Variants in VTI1A observed in about 807,000 individuals in gnomAD.
VTI1A encodes the protein vesicle transport through interaction with t-SNAREs homolog 1A.
A neutral mutation model predicts 34.9 loss-of-function variants in VTI1A; 22 were observed. The ratio of observed to expected loss-of-function variants is 0.63; its 90% CI spans 0.45 to 0.90. The LOEUF (loss-of-function observed/expected upper bound fraction) is 0.90, where lower values mean the gene tolerates loss of function less well. VTI1A is among the 40% of genes least tolerant of loss of function. VTI1A has a pLI of 0.00. For synonymous variants in VTI1A, 87 were observed against 97.3 expected, an observed-to-expected ratio of 0.89 and a Z score of 0.62; for missense variants, 268 against 275.6, an observed-to-expected ratio of 0.97 and a Z score of 0.20.
chr10:112,456,373 G>C (rs1265487764), intron 1 of VTI1A, among the ~76,000 whole-genome samples: 2 of 137,740 alleles, frequency 1.5e-5, no homozygotes, highest in Non-Finnish European at 3.0e-5. Flanking sequence ...CGTGAGCCAA[G>C]ATTGCACCAC....
At chr10:112,778,105 A>G (rs895131778) in intron 7 of VTI1A, among the ~76,000 whole-genome samples, 2 of 151,598 alleles carry the variant, frequency 1.3e-5, no homozygotes, top group Non-Finnish European at 2.9e-5. Flanking sequence ...TCCATCTCAA[A>G]AAAAGGAAAA....
chr10:112,737,753 C>G (rs891069443), intron 7 of VTI1A: 6 of 1,059,678 alleles, frequency 5.7e-6, no homozygotes, highest in Non-Finnish European at 2.3e-6. Context: ...CCTTTCCTCT[C>G]AGGACATACT....
chr10:112,483,638 A>C (rs1331163484), intron 3 of VTI1A, among the ~76,000 whole-genome samples: 1 of 152,066 alleles, frequency 6.6e-6, no homozygotes, highest in Non-Finnish European at 1.5e-5. Flanking sequence ...GCCTCTACCC[A>C]CTAAATGCTA....
chr10:112,736,788 A>T, intron 7 of VTI1A: 1 of 1,488,716 alleles, frequency 6.7e-7, no homozygotes, highest in African/African-American at 1.4e-5. Flanking sequence ...AGAACCAGCC[A>T]GTGGAAATTA....
chr10:112,840,298 A>G, the VTI1A span, among the ~76,000 whole-genome samples: 6 of 152,218 alleles, frequency 3.9e-5, no homozygotes, highest in East Asian at 1.2e-3. Context: ...GAGAAAGCCA[A>G]ATATGCACCC....
At chr10:112,480,718 G>A (rs1409605377) in intron 3 of VTI1A, among the ~76,000 whole-genome samples, 2 of 152,230 alleles carry the variant, frequency 1.3e-5, no homozygotes, top group East Asian at 1.9e-4. Flanking sequence ...GGGAGGAAGG[G>A]GAGGACTGGA....
chr10:112,699,763 G>A (rs1466218183), intron 7 of VTI1A, among the ~76,000 whole-genome samples: 2 of 151,692 alleles, frequency 1.3e-5, no homozygotes, highest in Non-Finnish European at 2.9e-5. Context: ...AGGAGGCGGA[G>A]GTTGCAGTAA....
chr10:112,454,778 G>C (rs79310275), intron 1 of VTI1A, among the ~76,000 whole-genome samples: 8,114 of 150,746 alleles, frequency 0.054, 313 homozygotes, highest in Non-Finnish European at 0.081. Flanking sequence ...AATACATATA[G>C]CAGTTACGAG....
At chr10:112,642,772 G>T (rs567315352) in intron 5 of VTI1A, among the ~76,000 whole-genome samples, 17 of 152,022 alleles carry the variant, frequency 1.1e-4, no homozygotes, top group Non-Finnish European at 2.5e-4. Flanking sequence ...TAACTAGGCC[G>T]AGCATAGGGA....
At chr10:112,853,690 A>C in the VTI1A span, among the ~76,000 whole-genome samples, 29 of 152,154 alleles carry the variant, frequency 1.9e-4, no homozygotes, top group African/African-American at 7.0e-4. Context: ...GCAGTGTTTT[A>C]TCCATTTCAA....
chr10:112,587,784 C>T (rs1202195288), intron 5 of VTI1A, among the ~76,000 whole-genome samples: 1 of 152,028 alleles, frequency 6.6e-6, no homozygotes, highest in Non-Finnish European at 1.5e-5. Context: ...GTTTTTTCCC[C>T]TCAGTATTAG....
At chr10:112,601,102 G>C (rs1385709681) in intron 5 of VTI1A, among the ~76,000 whole-genome samples, 7 of 152,158 alleles carry the variant, frequency 4.6e-5, no homozygotes, top group Admixed American at 6.5e-5. Flanking sequence ...CCAGTTGCTA[G>C]CATTAGGGAA....
At chr10:112,726,947 C>T (rs1850051413) in intron 7 of VTI1A, among the ~76,000 whole-genome samples, 1 of 152,138 alleles carries the variant, frequency 6.6e-6, no homozygotes, top group Non-Finnish European at 1.5e-5. Flanking sequence ...TATTTGATGT[C>T]ATTCCGTGAC....
intron 3 of VTI1A, among the ~76,000 whole-genome samples, chr10:112,483,240 A>T (rs962421203): frequency 2.6e-5 from 4 of 152,162 alleles, no homozygotes; most frequent in Non-Finnish European, 4.4e-5. Context: ...ATTACATTTA[A>T]ATTTGCCTAA....
Position 112,818,220 on chromosome 10 carries a change from T to C in VTI1A, c.*2837T>C. 1 of 233,358 alleles carries C rather than the reference T, an allele frequency of 4.3e-6. No individual in the cohort carries two copies. The highest frequency in any genetic ancestry group is 6.0e-5 in the East Asian group (1 of 16,556). The allele number at this position is 233,358 out of a possible 1,614,324, so 14.5% of individuals were successfully genotyped here. On this transcript the variant is annotated 3_prime_UTR_variant, in exon 8 of 8. Transcript: ENST00000393077. ...AGGCTGAAATTAATGGTGAACAAAA[T>C]TGTGCGGCTCTGGCCATCCCATGCG...
At chr10:112,636,206 C>T (rs1031574830) in intron 5 of VTI1A, among the ~76,000 whole-genome samples, 1 of 152,194 alleles carries the variant, frequency 6.6e-6, no homozygotes, top group Non-Finnish European at 1.5e-5. Flanking sequence ...TCACTACAAA[C>T]TTTGCCATCC....
At chr10:112,714,311 C>T (rs1174662051) in intron 7 of VTI1A, among the ~76,000 whole-genome samples, 1 of 152,168 alleles carries the variant, frequency 6.6e-6, no homozygotes. Context: ...CCTCATCACT[C>T]GATGCCTTTC....
At position 112,767,467 on chromosome 10, in the gene VTI1A, G is replaced by A. The variant is rs995958716; in HGVS notation, c.561-47823G>A. On this transcript the variant is annotated intron_variant, in intron 7 of 7. Transcript: ENST00000393077. The surrounding 1 kb of genome is among the most constrained non-coding windows in gnomAD (Gnocchi z 4.0). ...AGGAAGTAAGTGCCTATTCAATGCC[G>A]AATATGAAGTAAAATCTGTCAGATT... is the stretch of plus-strand genomic sequence containing the variant. Among the ~76,000 whole-genome samples, 12 of 152,260 alleles carry A rather than the reference G, an allele frequency of 7.9e-5. No homozygotes were observed. Among genetic ancestry groups the A allele is most frequent in the African/African-American group, 2.6e-4 (11 of 41,548 alleles).
Position 112,674,749 on chromosome 10 carries a change from G to A in VTI1A, c.560+5751G>A, listed in dbSNP as rs542855048. Among the ~76,000 whole-genome samples the A allele has an allele frequency of 3.1e-3, 466 of 152,280 alleles. 2 individuals carry two copies. The highest frequency in any genetic ancestry group is 5.3e-3 in the Non-Finnish European group (361 of 68,014). Reference sequence around the variant, plus strand: ...GGTGAGGCAAACTGTGCTTAGTGAAGTTAAGTAAACTATCCAGATTCACAT... The same window carrying A: ...GGTGAGGCAAACTGTGCTTAGTGAAATTAAGTAAACTATCCAGATTCACAT... On this transcript the variant is annotated intron_variant, in intron 7 of 7. Transcript: ENST00000393077.
Sources: allele counts gnomAD v4.1 joint callset (sites outside exome capture counted in the v4.1 genomes callset), GRCh38; gene constraint gnomAD v4.1.1; non-coding constraint Gnocchi (gnomAD v3.1); transcripts MANE v1.5; gene names NCBI Gene and HGNC (gene_info 2026-07-23, HGNC 2026-07-21).